OAS2: variants seen among roughly 807,000 people sequenced by gnomAD.
The protein encoded by OAS2 is 2'-5'-oligoadenylate synthetase 2, also known as 2'-5'-oligoadenylate synthase 2.
In OAS2, 67 loss-of-function variants were observed where a neutral mutation model predicts 71.3. The ratio of observed to expected loss-of-function variants is 0.94; its 90% CI spans 0.77 to 1.15. The LOEUF is 1.15. Ranked by LOEUF, OAS2 falls within the 50% of genes most tolerant of loss-of-function variation. OAS2 has a pLI of 0.00. For missense variants in OAS2, 789 were observed against 822.5 expected, an observed-to-expected ratio of 0.96 and a Z score of 0.50; for synonymous variants, 327 against 321.8, an observed-to-expected ratio of 1.02 and a Z score of -0.17.
chr12:113,008,493 T>C (rs2044353674), intron 9 of OAS2, among the ~76,000 whole-genome samples: 1 of 152,230 alleles, frequency 6.6e-6, no homozygotes, highest in East Asian at 1.9e-4. Context: ...TTATGTATCA[T>C]ATTTTAGCTG....
rs781011539 is a variant in OAS2, at chr12:113,007,754, T to C, written c.1706T>C (p.Leu569Ser). Residue 569 changes from leucine (L) to serine (S), a missense_variant, in exon 9 of 10, where the codon TTG becomes TCG. Coordinates refer to ENST00000392583, the MANE Select transcript of OAS2 (RefSeq NM_002535.3). ...GGGTCTTTGCCCCCAAAGTATGCCT[T>C]GGAGCTGCTCACCATCTATGCCTGG... ...PKGSLPPKYA[L>S]ELLTIYAWEQ... 1.2e-6 allele frequency: 2 copies of C among 1,613,988 alleles called. No homozygotes were observed. The highest frequency in any genetic ancestry group is 1.7e-5 in the Admixed American group (1 of 60,004).
At chr12:112,982,550 C>T (rs73422062) in intron 1 of OAS2, among the ~76,000 whole-genome samples, 10,907 of 151,230 alleles carry the variant, frequency 0.072, 1,284 homozygotes, top group African/African-American at 0.25. Flanking sequence ...GTTATCTTTT[C>T]GAAGTATTAT....
intron 2 of OAS2, among the ~76,000 whole-genome samples, chr12:112,991,846 A>G (rs2044195252): frequency 6.6e-6 from 1 of 152,160 alleles, no homozygotes; most frequent in Non-Finnish European, 1.5e-5. Context: ...AAGCTCCATG[A>G]GGACAGGTAT....
Position 113,005,038 on chromosome 12 carries a change from G to T in OAS2, c.1284G>T (p.Arg428=). 1.2e-6 allele frequency: 2 copies of T among 1,614,168 alleles called. No individual in the cohort carries two copies. The highest frequency in any genetic ancestry group is 1.7e-4 in the Middle Eastern group (1 of 6,060). The change falls in exon 7 of 10, where the codon CGG becomes CGT. Residue 428 remains arginine (R), a synonymous_variant. Transcript: ENST00000392583. ...GCTACACCTCCCAAAAAAACGAGCG[G>T]CACAAAATCGTCAAGGAAATCCATG... ...LKSYTSQKNE[R]HKIVKEIHEQ...
Position 113,009,659 on chromosome 12 carries a change from C to A in OAS2, c.*404C>A. On this transcript the variant is annotated 3_prime_UTR_variant, in exon 10 of 10. Transcript: ENST00000392583. ...TGCCTCCAGATGGCAGGTTTGCAAT[C>A]CAAGCAGGAAGAAGGAAAAGATACC... 3 of 991,522 alleles carry A rather than the reference C, an allele frequency of 3.0e-6. No homozygotes were observed. The allele number at this position is 991,522 out of a possible 1,614,324, so 61.4% of individuals were successfully genotyped here.
chr12:112,991,665 A>T (rs1056723779), intron 2 of OAS2, among the ~76,000 whole-genome samples: 1 of 152,248 alleles, frequency 6.6e-6, no homozygotes, highest in Non-Finnish European at 1.5e-5. Flanking sequence ...TCAAATACAC[A>T]TTTATCTCAG....
rs115493616 is a variant in OAS2, at chr12:112,984,104, A to G, written c.178-2934A>G. 1.3e-3 allele frequency among the ~76,000 whole-genome samples: 202 copies of G among 152,326 alleles called. 1 individual carries two copies. The highest frequency in any genetic ancestry group is 4.6e-3 in the African/African-American group (192 of 41,568). ...ATTTTCTGTCTACGTGATCTGCCCA[A>G]TACCAAAAGTGAGATGAAGTTCCCA... is the stretch of plus-strand genomic sequence containing the variant. On this transcript the variant is annotated intron_variant, in intron 1 of 9. Coordinates refer to ENST00000392583, the MANE Select transcript of OAS2 (RefSeq NM_002535.3).
At chr12:113,008,351 C>A (rs2044352439) in intron 9 of OAS2, among the ~76,000 whole-genome samples, 1 of 151,606 alleles carries the variant, frequency 6.6e-6, no homozygotes, top group African/African-American at 2.4e-5. Context: ...GGGACAAAAA[C>A]AATGGAAACC....
At chr12:112,991,727 C>T (rs1306574718) in intron 2 of OAS2, among the ~76,000 whole-genome samples, 1 of 152,168 alleles carries the variant, frequency 6.6e-6, no homozygotes, top group East Asian at 1.9e-4. Context: ...TGAGAAGTTC[C>T]CAGCTTGACT....
chr12:112,987,404 G>A, intron 2 of OAS2, 96 bp downstream of exon 2: 1 of 1,520,656 alleles, frequency 6.6e-7, no homozygotes, highest in South Asian at 1.3e-5. Flanking sequence ...AGATACCACT[G>A]CTGCTTTAAA....
At chr12:113,008,024 G>C in intron 9 of OAS2, 81 bp downstream of exon 9, 1 of 994,800 alleles carries the variant, frequency 1.0e-6, no homozygotes, top group Non-Finnish European at 1.6e-6. Flanking sequence ...TCCTCTGCTG[G>C]GGTCACGATT....
chr12:112,982,210 G>A (rs1315800886), intron 1 of OAS2, among the ~76,000 whole-genome samples: 1 of 152,058 alleles, frequency 6.6e-6, no homozygotes, highest in Non-Finnish European at 1.5e-5. Context: ...CTATTTGGAT[G>A]CCTTTTATTT....
rs760864869 is a variant in OAS2 at position 113,004,902 on chromosome 12, A to C, written c.1180-32A>C. 42 of 1,607,450 alleles carry C rather than the reference A, an allele frequency of 2.6e-5. 1 individual carries two copies. In the South Asian group the frequency reaches 4.3e-4, roughly 16 times the overall value. On this transcript the variant is annotated intron_variant, in intron 6 of 9. Coordinates refer to ENST00000392583, the MANE Select transcript of OAS2 (RefSeq NM_002535.3). Reference sequence around the variant, plus strand: ...GGCACGGGACTCCTCGGTTAAGGAAATTCTGGATCTCAACCTTCCTTTCTT... The same window carrying C: ...GGCACGGGACTCCTCGGTTAAGGAACTTCTGGATCTCAACCTTCCTTTCTT...
intron 2 of OAS2, 42 bp from the exon 3 acceptor site, chr12:112,995,254 G>A: frequency 6.4e-7 from 1 of 1,573,820 alleles, no homozygotes; most frequent in Non-Finnish European, 8.6e-7. Context: ...TCTAAAACCA[G>A]GTTACATAAA....
rs1412771682 is a variant in OAS2, at chr12:112,995,441, T to G, written c.594T>G (p.Asp198Glu). 1 of 1,614,090 alleles carries G rather than the reference T, an allele frequency of 6.2e-7. No homozygotes were observed. Among genetic ancestry groups the G allele is most frequent in the South Asian group, 1.1e-5 (1 of 91,056 alleles). ...FFDNRPGKLK[D>E]LILLIKHWHQ... ...ACAACCGTCCTGGAAAACTAAAGGATTTGATCCTCTTGATAAAGCACTGGC... is the reference window on the plus strand; with the variant it reads ...ACAACCGTCCTGGAAAACTAAAGGAGTTGATCCTCTTGATAAAGCACTGGC... Residue 198 changes from aspartate (D) to glutamate (E), a missense_variant, in exon 3 of 10, where the codon GAT (aspartate) becomes GAG (glutamate). By Grantham distance (45) the Asp-to-Glu change is conservative (BLOSUM62 2). Coordinates refer to ENST00000392583, the MANE Select transcript of OAS2 (RefSeq NM_002535.3).
Position 113,005,133 on chromosome 12 carries a change from A to G in OAS2, c.1379A>G (p.Lys460Arg). ...LEVSFEPPKW[K>R]APRVLSFSLK... The stretch of plus-strand genomic sequence containing the variant: ...GTCAGCTTTGAGCCTCCCAAGTGGA[A>G]GGCTCCCAGGGTGCTGAGCTTCTCT... The change falls in exon 7 of 10, where the codon AAG becomes AGG. Residue 460 changes from lysine to arginine, a missense_variant. By Grantham distance (26) the Lys-to-Arg change is conservative. Coordinates refer to ENST00000392583, the MANE Select transcript of OAS2 (RefSeq NM_002535.3). The G allele has an allele frequency of 1.2e-6, 2 of 1,614,148 alleles. No homozygotes were observed. Among genetic ancestry groups the G allele is most frequent in the Non-Finnish European group, 1.7e-6 (2 of 1,180,008 alleles).
intron 1 of OAS2, among the ~76,000 whole-genome samples, chr12:112,980,188 G>A (rs549617490): frequency 1.3e-5 from 2 of 152,218 alleles, no homozygotes; most frequent in South Asian, 4.2e-4. Context: ...TGGATACAAT[G>A]TGAAATGATC....
rs750829537 is a variant in OAS2 at position 113,005,066 on chromosome 12, C to G, written c.1312C>G (p.Gln438Glu). ...CAAAATCGTCAAGGAAATCCATGAA[C>G]AGCTGAAAGCCTTTTGGAGGGAGAA... ...RHKIVKEIHE[Q>E]LKAFWREKEE... The change falls in exon 7 of 10, where the codon CAG becomes GAG. Residue 438 changes from glutamine (Q) to glutamate (E), a missense_variant. By Grantham distance (29) the Gln-to-Glu change is conservative. Coordinates refer to ENST00000392583, the MANE Select transcript of OAS2 (RefSeq NM_002535.3). The G allele has an allele frequency of 6.2e-6, 10 of 1,614,160 alleles. No individual in the cohort carries two copies. Among genetic ancestry groups the G allele is most frequent in the Non-Finnish European group, 8.5e-6 (10 of 1,180,018 alleles).
At chr12:113,000,604 T>C (rs1593203367) in intron 5 of OAS2, among the ~76,000 whole-genome samples, 1 of 146,262 alleles carries the variant, frequency 6.8e-6, no homozygotes, top group African/African-American at 2.6e-5. Context: ...CATACACACA[T>C]GCATACATGC....
Sources: allele counts gnomAD v4.1 joint callset (sites outside exome capture counted in the v4.1 genomes callset), GRCh38; gene constraint gnomAD v4.1.1; transcripts MANE v1.5; gene names NCBI Gene and HGNC (gene_info 2026-07-23, HGNC 2026-07-21).